KCTD16: variants seen among roughly 807,000 people sequenced by gnomAD.
KCTD16 encodes BTB/POZ domain-containing protein KCTD16.
Under a neutral mutation model 33.2 loss-of-function variants are expected in KCTD16, and 13 were observed. The ratio of observed to expected loss-of-function variants is 0.39; its 90% CI spans 0.25 to 0.62. The LOEUF (loss-of-function observed/expected upper bound fraction) is 0.62. Ranked by LOEUF, KCTD16 falls within the 20% of genes least tolerant of loss-of-function variation. The pLI, the probability that KCTD16 is intolerant of heterozygous loss-of-function variation, is 0.50. For synonymous variants in KCTD16, 197 were observed against 195.3 expected (o/e 1.01, Z -0.07); for missense variants, 441 against 525.1 (o/e 0.84, Z 1.57).
At chr5:144,344,795 G>A (rs1290043093) in intron 3 of KCTD16, among the ~76,000 whole-genome samples, 1 of 150,054 alleles carries the variant, frequency 6.7e-6, no homozygotes, top group African/African-American at 2.4e-5. Flanking sequence ...AAGTCAGTGT[G>A]GCGATTCCTC....
chr5:144,393,244 T>C (rs1181269563), intron 3 of KCTD16, among the ~76,000 whole-genome samples: 10 of 152,224 alleles, frequency 6.6e-5, no homozygotes, highest in African/African-American at 2.4e-4. Context: ...TCCTGGTCTT[T>C]CTAGAAAGAT....
intron 3 of KCTD16, among the ~76,000 whole-genome samples, chr5:144,250,819 G>A (rs745825057): frequency 2.6e-5 from 4 of 151,942 alleles, no homozygotes. Context: ...TCATAACATG[G>A]GGCTAACAAT....
intron 3 of KCTD16, among the ~76,000 whole-genome samples, chr5:144,297,584 G>A (rs914860110): frequency 6.6e-6 from 1 of 152,112 alleles, no homozygotes; most frequent in East Asian, 1.9e-4. Context: ...ATATCCCAGC[G>A]AGAGATAGGA....
intron 3 of KCTD16, among the ~76,000 whole-genome samples, chr5:144,286,571 T>G (rs951400618): frequency 1.3e-5 from 2 of 152,212 alleles, no homozygotes; most frequent in East Asian, 3.8e-4. Context: ...TACTGTGAAG[T>G]TGAATTAAAC....
chr5:144,467,071 TAA>T (rs1313991467), intron 3 of KCTD16, among the ~76,000 whole-genome samples: 4 of 132,060 alleles, frequency 3.0e-5, no homozygotes, highest in East Asian at 2.1e-4. Context: ...GTATTATATA[TAA>T]TATATATAGT....
chr5:144,250,545 T>G (rs1304655521), intron 3 of KCTD16, among the ~76,000 whole-genome samples: 1 of 152,214 alleles, frequency 6.6e-6, no homozygotes, highest in Admixed American at 6.5e-5. Context: ...GAATCTAGCC[T>G]TTGTTCCGAG....
At chr5:144,468,259 A>G (rs997485495) in intron 3 of KCTD16, among the ~76,000 whole-genome samples, 1 of 152,120 alleles carries the variant, frequency 6.6e-6, no homozygotes, top group Non-Finnish European at 1.5e-5. Flanking sequence ...TCCTGCAGCC[A>G]CTATCTTTGT....
chr5:144,180,820 T>A (rs1236863766), intron 2 of KCTD16, among the ~76,000 whole-genome samples: 8 of 152,238 alleles, frequency 5.3e-5, no homozygotes, highest in African/African-American at 1.9e-4. Context: ...TTACCATTTC[T>A]ACATCATCCT....
At chr5:144,408,634 G>T (rs1160319394) in intron 3 of KCTD16, among the ~76,000 whole-genome samples, 1 of 152,104 alleles carries the variant, frequency 6.6e-6, no homozygotes, top group Non-Finnish European at 1.5e-5. Flanking sequence ...GAAGGTAGAG[G>T]TATATCAATT....
intron 3 of KCTD16, among the ~76,000 whole-genome samples, chr5:144,419,306 G>A (rs1753156967): frequency 1.3e-5 from 2 of 152,114 alleles, no homozygotes; most frequent in African/African-American, 4.8e-5. Flanking sequence ...TCTCAGTTCT[G>A]TTGCTGGATT....
chr5:144,420,492 G>A (rs1186309484), intron 3 of KCTD16, among the ~76,000 whole-genome samples: 1 of 151,772 alleles, frequency 6.6e-6, no homozygotes, highest in Non-Finnish European at 1.5e-5. Context: ...TCAAATATGG[G>A]TCCAAAGTGA....
intron 3 of KCTD16, among the ~76,000 whole-genome samples, chr5:144,211,699 AC>A (rs2126794402): frequency 6.6e-6 from 1 of 152,254 alleles, no homozygotes; most frequent in South Asian, 2.1e-4. Flanking sequence ...GGGATATTCA[AC>A]CTGTAATAAT....
intron 3 of KCTD16, among the ~76,000 whole-genome samples, chr5:144,417,299 TATTATA>T (rs1160999506): frequency 2.0e-5 from 3 of 152,082 alleles, no homozygotes; most frequent in African/African-American, 7.2e-5. Context: ...AAAAATATAT[TATTATA>T]CTTATATTAG....
In KCTD16 at chr5:144,324,369, C is replaced by T. The variant is rs367621763; in HGVS notation, c.832+116823C>T. ...TTAGTTTTTCAGAAACTATCTTTGT[C>T]TGTGAGATACCATCTCACACCCATC... On this transcript the variant is annotated intron_variant, in intron 3 of 3. Transcript: ENST00000512467. 5.9e-5 allele frequency among the ~76,000 whole-genome samples: 9 copies of T among 152,218 alleles called. No individual in the cohort carries two copies. The East Asian group carries it at 9.7e-4, about 16-fold the overall frequency.
chr5:144,222,363 T>C (rs918958795), intron 3 of KCTD16, among the ~76,000 whole-genome samples: 12 of 152,184 alleles, frequency 7.9e-5, no homozygotes, highest in Non-Finnish European at 1.5e-4. Context: ...TAATGTGGTG[T>C]GGGGTATTCA....
At chr5:144,226,719 T>C (rs147218228) in intron 3 of KCTD16, among the ~76,000 whole-genome samples, 1 of 152,156 alleles carries the variant, frequency 6.6e-6, no homozygotes, top group East Asian at 1.9e-4. Context: ...ATTACAGGCA[T>C]GTGCCACCAC....
chr5:144,199,987 T>C (rs1444136090), intron 2 of KCTD16, among the ~76,000 whole-genome samples: 1 of 152,060 alleles, frequency 6.6e-6, no homozygotes, highest in Non-Finnish European at 1.5e-5. Context: ...TGCTTCCTCG[T>C]TTTGAAGACA....
intron 3 of KCTD16, among the ~76,000 whole-genome samples, chr5:144,473,235 C>T (rs775831497): frequency 1.3e-5 from 2 of 152,130 alleles, no homozygotes; most frequent in Non-Finnish European, 2.9e-5. Context: ...TGAAAGCTGA[C>T]TGTGAGAGAG....
chr5:144,254,495 TTGAC>T (rs1320762583), intron 3 of KCTD16, among the ~76,000 whole-genome samples: 1 of 152,200 alleles, frequency 6.6e-6, no homozygotes, highest in Non-Finnish European at 1.5e-5. Context: ...CTGTATTTTA[TTGAC>T]TTACATGCCC....
Sources: gnomAD v4.1 joint callset for allele counts (sites outside exome capture counted in the v4.1 genomes callset) on GRCh38, gnomAD v4.1.1 for gene constraint, MANE v1.5 for transcripts, NCBI Gene and HGNC (gene_info 2026-07-23, HGNC 2026-07-21) for gene names.